Variants in TANC1 observed in about 807,000 individuals in gnomAD.
TANC1 encodes tetratricopeptide repeat, ankyrin repeat and coiled-coil containing 1.
In TANC1, 77 loss-of-function variants were observed where a neutral mutation model predicts 149.7. That is an observed-to-expected ratio of 0.51 (90% CI 0.43 to 0.62). The LOEUF (loss-of-function observed/expected upper bound fraction) is 0.62, where lower values mean the gene tolerates loss of function less well. Among genes scored for constraint, TANC1 ranks in the 20% least tolerant of loss-of-function variants. The pLI is 0.00. For missense variants in TANC1, 1,985 were observed against 2,321.8 expected, an observed-to-expected ratio of 0.85 and a Z score of 2.98; for synonymous variants, 854 against 925.0, an observed-to-expected ratio of 0.92 and a Z score of 1.39.
In TANC1 at chr2:159,087,493, GTTGT is replaced by G. The variant is rs1220461016; in HGVS notation, c.62-10133_62-10130del. 6.5e-5 allele frequency among the ~76,000 whole-genome samples: 9 copies of G among 138,136 alleles called. No individual in the cohort carries two copies. The South Asian group carries it at 1.1e-3, about 18-fold the overall frequency. The allele number at this position is 138,136 out of a possible 152,430, so 90.6% of individuals were successfully genotyped here. On this transcript the variant is annotated intron_variant, in intron 3 of 26. Transcript: ENST00000263635. ...TTTTTTTTTTTTTTTGTCGTTGTTT[GTTGT>G]TTGTTTGTTTTGTTTTTGTTTTTTT... is the stretch of plus-strand genomic sequence containing the variant.
At chr2:159,009,013 T>C (rs533116863) in intron 2 of TANC1, among the ~76,000 whole-genome samples, 1 of 152,172 alleles carries the variant, frequency 6.6e-6, no homozygotes, top group Non-Finnish European at 1.5e-5. Flanking sequence ...GGACTGGGCT[T>C]AACTACTGAA....
At chr2:159,087,253 A>G (rs1377202394) in intron 3 of TANC1, among the ~76,000 whole-genome samples, 1 of 152,118 alleles carries the variant, frequency 6.6e-6, no homozygotes, top group South Asian at 2.1e-4. Flanking sequence ...AAAAACCATA[A>G]TGTCCCCACT....
chr2:159,108,785 G>A (rs150168307), intron 4 of TANC1, among the ~76,000 whole-genome samples: 221 of 152,284 alleles, frequency 1.5e-3, no homozygotes, highest in African/African-American at 5.1e-3. Flanking sequence ...GATGAACACA[G>A]AGTGGTGATT....
chr2:159,069,039 C>T (rs1039202867), intron 3 of TANC1, among the ~76,000 whole-genome samples: 1 of 152,084 alleles, frequency 6.6e-6, no homozygotes, highest in Admixed American at 6.6e-5. Flanking sequence ...CTGCGCCCAG[C>T]GGATATTTGC....
intron 11 of TANC1, among the ~76,000 whole-genome samples, chr2:159,173,611 AT>A (rs2055513486): frequency 6.6e-6 from 1 of 152,210 alleles, no homozygotes; most frequent in African/African-American, 2.4e-5. Flanking sequence ...TCTCAAAAAA[AT>A]AAAATAAATA....
chr2:159,023,963 A>G (rs1395231359), intron 2 of TANC1, among the ~76,000 whole-genome samples: 30 of 148,964 alleles, frequency 2.0e-4, no homozygotes, highest in Non-Finnish European at 3.8e-4. Flanking sequence ...GTAAGACTCC[A>G]TCTCAAAAAA....
intron 3 of TANC1, among the ~76,000 whole-genome samples, chr2:159,069,395 G>T (rs1054491887): frequency 3.3e-5 from 5 of 152,022 alleles, no homozygotes; most frequent in African/African-American, 1.2e-4. Flanking sequence ...TCCTCTCCCT[G>T]CTTTATGTTA....
At chr2:159,122,248 A>G (rs1263544861) in intron 4 of TANC1, among the ~76,000 whole-genome samples, 1 of 152,164 alleles carries the variant, frequency 6.6e-6, no homozygotes, top group Non-Finnish European at 1.5e-5. Flanking sequence ...TATTTTTTAA[A>G]ATAGTGAAAA....
intron 2 of TANC1, among the ~76,000 whole-genome samples, chr2:159,023,040 CT>C (rs1559141966): frequency 6.6e-6 from 1 of 152,054 alleles, no homozygotes; most frequent in Non-Finnish European, 1.5e-5. Context: ...AGATAGTATA[CT>C]AAGGATTACA....
intron 4 of TANC1, among the ~76,000 whole-genome samples, chr2:159,105,874 C>A (rs1254051916): frequency 6.6e-6 from 1 of 151,148 alleles, no homozygotes; most frequent in African/African-American, 2.4e-5. Context: ...TTTGGAAATT[C>A]TTTGTGATAG....
At chr2:159,123,930 C>A (rs2049121371) in intron 4 of TANC1, among the ~76,000 whole-genome samples, 2 of 152,156 alleles carry the variant, frequency 1.3e-5, no homozygotes, top group South Asian at 4.1e-4. Context: ...CTGCCTTCCT[C>A]CCTCCCGCTG....
Position 159,178,929 on chromosome 2 carries a change from A to G in TANC1, c.2276A>G (p.Asn759Ser), listed in dbSNP as rs1167237748. The G allele has an allele frequency of 3.7e-6, 6 of 1,614,028 alleles. No individual in the cohort carries two copies. Among genetic ancestry groups the G allele is most frequent in the Admixed American group, 3.3e-5 (2 of 59,992 alleles). The part of the protein sequence containing the change: ...SAFERALPIL[N>S]VALASLHPMT... Reference sequence around the variant, plus strand: ...TTTGAGAGGGCACTTCCGATTCTCAACGTGGCCCTCGCATCCCTCCACCCC... The same window carrying G: ...TTTGAGAGGGCACTTCCGATTCTCAGCGTGGCCCTCGCATCCCTCCACCCC... Residue 759 changes from asparagine (N) to serine (S), a missense_variant, in exon 14 of 27, where the codon AAC becomes AGC. Coordinates refer to ENST00000263635, the MANE Select transcript of TANC1 (RefSeq NM_033394.3).
At chr2:159,068,344 T>C (rs2042849827) in intron 3 of TANC1, among the ~76,000 whole-genome samples, 1 of 152,210 alleles carries the variant, frequency 6.6e-6, no homozygotes, top group South Asian at 2.1e-4. Flanking sequence ...TGCTGTACTG[T>C]TTCCAATTAA....
intron 2 of TANC1, among the ~76,000 whole-genome samples, chr2:159,025,000 A>G (rs1574190645): frequency 6.6e-6 from 1 of 152,030 alleles, no homozygotes; most frequent in Non-Finnish European, 1.5e-5. Context: ...TGAATCCCCC[A>G]CCTTCCATCC....
intron 16 of TANC1, among the ~76,000 whole-genome samples, chr2:159,190,392 T>C (rs1161553329): frequency 6.6e-6 from 1 of 152,192 alleles, no homozygotes; most frequent in Non-Finnish European, 1.5e-5. Flanking sequence ...CTTGGTGGCA[T>C]TGCGTGTATT....
intron 2 of TANC1, among the ~76,000 whole-genome samples, chr2:159,008,819 A>C (rs2037479875): frequency 6.6e-6 from 1 of 152,170 alleles, no homozygotes; most frequent in Admixed American, 6.5e-5. Context: ...TATTCGGTTG[A>C]TCTATTAAAC....
At chr2:158,988,191 G>C (rs960722357) in intron 1 of TANC1, among the ~76,000 whole-genome samples, 1 of 151,904 alleles carries the variant, frequency 6.6e-6, no homozygotes, top group Non-Finnish European at 1.5e-5. Flanking sequence ...CGGTCGTGGT[G>C]GTGGGCGCCT....
chr2:159,061,022 G>A (rs2042199613), intron 2 of TANC1, among the ~76,000 whole-genome samples: 1 of 152,150 alleles, frequency 6.6e-6, no homozygotes, highest in Non-Finnish European at 1.5e-5. Flanking sequence ...GTAAAAGTAA[G>A]CTTTTGATAG....
At chr2:159,095,270 G>T (rs2045978713) in intron 3 of TANC1, among the ~76,000 whole-genome samples, 1 of 152,100 alleles carries the variant, frequency 6.6e-6, no homozygotes, top group African/African-American at 2.4e-5. Flanking sequence ...GATCTGTCTT[G>T]TTTCTTCAAA....
Sources: gnomAD v4.1 joint callset for allele counts (sites outside exome capture counted in the v4.1 genomes callset) on GRCh38, gnomAD v4.1.1 for gene constraint, MANE v1.5 for transcripts, NCBI Gene and HGNC (gene_info 2026-07-23, HGNC 2026-07-21) for gene names.